Variants in EFR3A observed in about 807,000 individuals in gnomAD.
The protein encoded by EFR3A is EFR3 homolog A, also known as protein EFR3 homolog A.
A neutral mutation model predicts 104.4 loss-of-function variants in EFR3A; 76 were observed. That is an observed-to-expected ratio of 0.73 (90% CI 0.60 to 0.88). The LOEUF (loss-of-function observed/expected upper bound fraction) is 0.88, where lower values mean the gene tolerates loss of function less well. Among genes scored for constraint, EFR3A ranks in the 40% least tolerant of loss-of-function variants. The pLI is 0.00. For synonymous variants in EFR3A, 330 were observed against 330.0 expected, an observed-to-expected ratio of 1.00 and a Z score of 0.00; for missense variants, 985 against 1,012.5, an observed-to-expected ratio of 0.97 and a Z score of 0.37.
At chr8:131,962,648 A>G (rs936327723) in intron 8 of EFR3A, among the ~76,000 whole-genome samples, 1 of 152,158 alleles carries the variant, frequency 6.6e-6, no homozygotes, top group Non-Finnish European at 1.5e-5. Context: ...TAGACAGATC[A>G]ATGAGACAGA....
intron 1 of EFR3A, among the ~76,000 whole-genome samples, chr8:131,919,548 A>G (rs1412916277): frequency 1.4e-5 from 2 of 144,742 alleles, no homozygotes; most frequent in African/African-American, 5.1e-5. Context: ...GTGAGCTGAG[A>G]TTGCGCCACT....
At chr8:131,919,595 C>CAA (rs1054823834) in intron 1 of EFR3A, among the ~76,000 whole-genome samples, 660 of 53,030 alleles carry the variant, frequency 0.012, 7 homozygotes, top group African/African-American at 0.036. Flanking sequence ...GACTCCGTCT[C>CAA]AAAAAAAAAA....
chr8:132,010,568 A>G (rs1439736146), intron 22 of EFR3A, among the ~76,000 whole-genome samples: 2 of 151,674 alleles, frequency 1.3e-5, no homozygotes, highest in Non-Finnish European at 2.9e-5. Flanking sequence ...AATTGTATAT[A>G]CATATTTTCC....
intron 19 of EFR3A, 78 bp downstream of exon 19, chr8:131,996,575 C>T: frequency 1.3e-6 from 1 of 793,968 alleles, no homozygotes; most frequent in Non-Finnish European, 2.0e-6. Context: ...TCCACACTTT[C>T]GAACAGGAGG....
chr8:131,935,547 A>T (rs756756991), intron 1 of EFR3A: 6 of 437,734 alleles, frequency 1.4e-5, no homozygotes, highest in Non-Finnish European at 2.7e-5. Context: ...GTCAATTTCT[A>T]TTATGTTACA....
At chr8:132,008,846 C>CAAAA (rs55964352) in intron 22 of EFR3A, among the ~76,000 whole-genome samples, 3,928 of 32,126 alleles carry the variant, frequency 0.12, 488 homozygotes, top group Non-Finnish European at 0.17. Context: ...AACTCCATCT[C>CAAAA]AAAAAAAAAA....
chr8:132,003,225 C>CT lies in EFR3A; in HGVS notation c.2311-5dup. 6.2e-7 allele frequency: 1 copy of CT among 1,605,996 alleles called. No individual in the cohort carries two copies. The highest frequency in any genetic ancestry group is 1.1e-5 in the South Asian group (1 of 89,652). On this transcript the variant is annotated splice_polypyrimidine_tract_variant and intron_variant, in intron 21 of 22. Coordinates refer to ENST00000254624, the MANE Select transcript of EFR3A (RefSeq NM_015137.6). ...AATAAACCATTCTTAACATTTTTTT[C>CT]TTTTTTGCAGGCAAATTTGCTTCAT...
intron 7 of EFR3A, among the ~76,000 whole-genome samples, chr8:131,957,190 C>T (rs975000400): frequency 5.3e-5 from 8 of 151,938 alleles, no homozygotes; most frequent in Non-Finnish European, 1.0e-4. Context: ...AGTGAGGTGC[C>T]AGATATTTGG....
chr8:131,913,985 TA>T (rs1229928230), intron 1 of EFR3A, among the ~76,000 whole-genome samples: 39 of 152,252 alleles, frequency 2.6e-4, no homozygotes, highest in African/African-American at 9.4e-4. Context: ...GAGAAGATTT[TA>T]TCTCCTACGC....
chr8:132,002,153 A>G (rs1821815088), intron 20 of EFR3A, among the ~76,000 whole-genome samples: 1 of 152,218 alleles, frequency 6.6e-6, no homozygotes, highest in Non-Finnish European at 1.5e-5. Flanking sequence ...GGCTACAACA[A>G]CATGGTTCCA....
In EFR3A at chr8:131,949,954, A is replaced by G; in HGVS notation, c.367-15A>G. The G allele has an allele frequency of 1.3e-6, 2 of 1,573,790 alleles. No homozygotes were observed. Among genetic ancestry groups the G allele is most frequent in the Non-Finnish European group, 1.7e-6 (2 of 1,160,724 alleles). On this transcript the variant is annotated splice_polypyrimidine_tract_variant and intron_variant, in intron 4 of 22. Coordinates refer to ENST00000254624, the MANE Select transcript of EFR3A (RefSeq NM_015137.6). Reference sequence around the variant, plus strand: ...TGAAGAAGGTGAAGTATATTATATTATTTGTGTTTTTTAGTTTGTCAAATT... The same window carrying G: ...TGAAGAAGGTGAAGTATATTATATTGTTTGTGTTTTTTAGTTTGTCAAATT...
At position 132,012,557 on chromosome 8, in the gene EFR3A, T is replaced by G. The variant is rs1206958253; in HGVS notation, c.*1662T>G. ...TTTGCCTCTTGATCAGGAAAAATGC[T>G]TCACCAGTCCGTAAAGCCAAGTTGT... On this transcript the variant is annotated 3_prime_UTR_variant, in exon 23 of 23. Coordinates refer to ENST00000254624, the MANE Select transcript of EFR3A (RefSeq NM_015137.6). 6.6e-6 allele frequency: 1 copy of G among 152,600 alleles called. No individual in the cohort carries two copies. The highest frequency in any genetic ancestry group is 1.5e-5 in the Non-Finnish European group (1 of 68,034). 9.5% of individuals were successfully genotyped at this position (152,600 alleles called of 1,614,324 possible).
At chr8:131,908,422 A>T (rs1235889746) in intron 1 of EFR3A, among the ~76,000 whole-genome samples, 1 of 152,160 alleles carries the variant, frequency 6.6e-6, no homozygotes, top group African/African-American at 2.4e-5. Context: ...TAGGCTTAGT[A>T]GCAGTTTCCA....
At chr8:131,985,628 T>A (rs530992997) in intron 16 of EFR3A, among the ~76,000 whole-genome samples, 4 of 152,208 alleles carry the variant, frequency 2.6e-5, no homozygotes, top group Non-Finnish European at 2.9e-5. Context: ...TGGAAGCACA[T>A]CATTTAGTCC....
At chr8:131,994,200 A>G (rs1418140575) in intron 18 of EFR3A, among the ~76,000 whole-genome samples, 1 of 152,014 alleles carries the variant, frequency 6.6e-6, no homozygotes, top group East Asian at 1.9e-4. Flanking sequence ...CTCTGATCAC[A>G]CCACTGTACT....
chr8:131,968,484 T>G, intron 9 of EFR3A, 54 bp downstream of exon 9: 1 of 1,554,194 alleles, frequency 6.4e-7, no homozygotes, highest in African/African-American at 1.4e-5. Flanking sequence ...CAAAGTGTCC[T>G]TTCAGTATGC....
intron 22 of EFR3A, among the ~76,000 whole-genome samples, chr8:132,006,427 C>T (rs1231443442): frequency 6.6e-6 from 1 of 151,208 alleles, no homozygotes; most frequent in Non-Finnish European, 1.5e-5. Flanking sequence ...ACAATAAATT[C>T]AACACTTTAG....
At chr8:131,907,996 C>T (rs1234258827) in intron 1 of EFR3A, among the ~76,000 whole-genome samples, 1 of 151,778 alleles carries the variant, frequency 6.6e-6, no homozygotes, top group African/African-American at 2.4e-5. Flanking sequence ...CATGGGGCTA[C>T]ATTAATGATT....
chr8:131,978,780 G>A, intron 12 of EFR3A, 67 bp from the exon 13 acceptor site: 4 of 1,215,550 alleles, frequency 3.3e-6, no homozygotes, highest in African/African-American at 1.5e-5. Context: ...TCTTATAAAA[G>A]AATATGAGAA....
Sources: allele counts gnomAD v4.1 joint callset (sites outside exome capture counted in the v4.1 genomes callset), GRCh38; gene constraint gnomAD v4.1.1; transcripts MANE v1.5; gene names NCBI Gene and HGNC (gene_info 2026-07-23, HGNC 2026-07-21).